Variants in CSMD1 observed in about 807,000 individuals in gnomAD.
CSMD1 encodes CUB and sushi domain-containing protein 1.
CSMD1 carries 213 observed loss-of-function variants against 417.5 expected under a neutral mutation model. That is an observed-to-expected ratio of 0.51 (90% CI 0.46 to 0.57). The LOEUF is 0.57. CSMD1 is among the 20% of genes least tolerant of loss of function. The probability of loss-of-function intolerance (pLI) is 0.00; values close to 1 mark genes in which losing one functional copy is unlikely to be tolerated. For missense variants in CSMD1, 6,923 were observed against 4,529.7 expected (o/e 1.53, Z -15.17); for synonymous variants, 2,862 against 1,736.8 (o/e 1.65, Z -16.11).
intron 1 of CSMD1, among the ~76,000 whole-genome samples, chr8:4,640,329 T>C (rs1049029100): frequency 6.6e-5 from 10 of 152,226 alleles, no homozygotes; most frequent in African/African-American, 2.4e-4. Context: ...AAAGTATCTA[T>C]GCCTAAGATA....
At chr8:4,364,843 A>C (rs1484330373) in intron 3 of CSMD1, among the ~76,000 whole-genome samples, 1 of 14,030 alleles carries the variant, frequency 7.1e-5, no homozygotes, top group Non-Finnish European at 1.1e-4. Context: ...AAAAAAAAAA[A>C]AAAAAAAAAA....
chr8:4,979,581 A>G (rs913535027), intron 1 of CSMD1, among the ~76,000 whole-genome samples: 1 of 152,330 alleles, frequency 6.6e-6, no homozygotes, highest in East Asian at 1.9e-4. Context: ...TTTTCCTTCA[A>G]TGTATTTAAA....
At chr8:4,058,257 G>A (rs966659030) in intron 3 of CSMD1, among the ~76,000 whole-genome samples, 1 of 151,982 alleles carries the variant, frequency 6.6e-6, no homozygotes. Flanking sequence ...CACATCCCTT[G>A]TAAGTTGGAT....
intron 2 of CSMD1, among the ~76,000 whole-genome samples, chr8:4,483,800 G>T (rs888966079): frequency 2.6e-4 from 39 of 152,060 alleles, no homozygotes; most frequent in African/African-American, 9.2e-4. Context: ...TATTAATATG[G>T]GTTGGTTTGT....
chr8:4,364,517 A>G (rs996161213), intron 3 of CSMD1, among the ~76,000 whole-genome samples: 93 of 152,214 alleles, frequency 6.1e-4, no homozygotes, highest in African/African-American at 2.1e-3. Flanking sequence ...TTGTCAGTTA[A>G]AACATTTTTT....
At chr8:3,138,705 G>C (rs1381433374) in intron 41 of CSMD1, among the ~76,000 whole-genome samples, 2 of 152,198 alleles carry the variant, frequency 1.3e-5, no homozygotes, top group African/African-American at 2.4e-5. Context: ...AGAGCTCTGA[G>C]GTAGAAAGGA....
intron 1 of CSMD1, among the ~76,000 whole-genome samples, chr8:4,641,452 G>C (rs1402863441): frequency 2.0e-5 from 3 of 152,058 alleles, no homozygotes; most frequent in Non-Finnish European, 2.9e-5. Flanking sequence ...TTTAAATTCT[G>C]TCTTATACTG....
At chr8:3,352,927 TG>T (rs1808512100) in intron 21 of CSMD1, among the ~76,000 whole-genome samples, 1 of 151,768 alleles carries the variant, frequency 6.6e-6, no homozygotes, top group South Asian at 2.1e-4. Flanking sequence ...CAAAAACACA[TG>T]GGGGTATATA....
intron 5 of CSMD1, among the ~76,000 whole-genome samples, chr8:3,778,394 A>G (rs1799006587): frequency 1.3e-5 from 2 of 152,220 alleles, no homozygotes; most frequent in African/African-American, 2.4e-5. Flanking sequence ...GGGCAGAAAC[A>G]AATAAATAAA....
chr8:3,357,429 A>G (rs1214421390), intron 21 of CSMD1, among the ~76,000 whole-genome samples: 1 of 152,240 alleles, frequency 6.6e-6, no homozygotes, highest in Non-Finnish European at 1.5e-5. Flanking sequence ...ACGTTATTAC[A>G]TGGAAGGAGC....
intron 17 of CSMD1, among the ~76,000 whole-genome samples, chr8:3,392,495 C>T (rs1274475395): frequency 6.6e-6 from 1 of 152,044 alleles, no homozygotes; most frequent in Non-Finnish European, 1.5e-5. Context: ...TCTGTCTCTG[C>T]TTTTCTCGCT....
intron 2 of CSMD1, among the ~76,000 whole-genome samples, chr8:4,534,906 G>C (rs760770302): frequency 6.6e-6 from 1 of 152,104 alleles, no homozygotes; most frequent in Admixed American, 6.5e-5. Context: ...GGGACTACAG[G>C]TGCCTGCCAC....
chr8:4,549,684 T>C (rs1464985811), intron 2 of CSMD1, among the ~76,000 whole-genome samples: 1 of 149,534 alleles, frequency 6.7e-6, no homozygotes, highest in East Asian at 2.0e-4. Flanking sequence ...AGTTCAGGAG[T>C]TCAAGACCAG....
intron 3 of CSMD1, among the ~76,000 whole-genome samples, chr8:4,113,829 C>G (rs1038923094): frequency 1.3e-5 from 2 of 152,186 alleles, no homozygotes; most frequent in Admixed American, 6.5e-5. Context: ...AAACCAAGGC[C>G]TACTTCAGAG....
At chr8:3,589,627 G>A (rs190560997) in intron 8 of CSMD1, among the ~76,000 whole-genome samples, 96 of 152,010 alleles carry the variant, frequency 6.3e-4, no homozygotes, top group Middle Eastern at 3.4e-3. Flanking sequence ...AGGAAGGAGA[G>A]GAAACAAATA....
chr8:4,128,184 G>A (rs551434245), intron 3 of CSMD1, among the ~76,000 whole-genome samples: 1 of 152,220 alleles, frequency 6.6e-6, no homozygotes, highest in Non-Finnish European at 1.5e-5. Context: ...GACCCCTGCG[G>A]AAAAAGTGCC....
chr8:4,960,638 T>C (rs1235670110), intron 1 of CSMD1, among the ~76,000 whole-genome samples: 7 of 152,152 alleles, frequency 4.6e-5, no homozygotes, highest in Non-Finnish European at 1.0e-4. Flanking sequence ...CATACATCCA[T>C]ATATCCATAC....
Position 3,708,428 on chromosome 8 carries a change from T to C in CSMD1, c.995A>G (p.His332Arg), listed in dbSNP as rs371767824. 20 of 1,613,922 alleles carry C rather than the reference T, an allele frequency of 1.2e-5. No individual in the cohort carries two copies. In the African/African-American group the frequency reaches 2.4e-4, roughly 19 times the overall value. Residue 332 changes from histidine to arginine, a missense_variant, in exon 7 of 70, where the codon CAT (histidine) becomes CGT (arginine). Physicochemically the swap from His to Arg is conservative, Grantham distance 29. Transcript: ENST00000635120. The stretch of plus-strand genomic sequence containing the variant: ...AAGGGACTCACAGACAGAGTTTTTA[T>C]GGCTTCCATCCTTGCTGGGCAGCAT... ...VKMLPSKDGS[H>R]KNSVLSQGGV...
chr8:4,163,575 T>C lies in CSMD1; in HGVS notation c.416-131476A>G, dbSNP rs185382484. 9.2e-5 allele frequency among the ~76,000 whole-genome samples: 14 copies of C among 152,314 alleles called. No individual in the cohort carries two copies. In the East Asian group the frequency reaches 2.5e-3, roughly 27 times the overall value. On this transcript the variant is annotated intron_variant, in intron 3 of 69. Transcript: ENST00000635120. ...TCATTTGGTGTGAATTAAATCTAGCTAGATAAAACTTCCTGTTTTAAAGTG... is the reference window on the plus strand; with the variant it reads ...TCATTTGGTGTGAATTAAATCTAGCCAGATAAAACTTCCTGTTTTAAAGTG...
Sources: allele counts gnomAD v4.1 joint callset (sites outside exome capture counted in the v4.1 genomes callset), GRCh38; gene constraint gnomAD v4.1.1; transcripts MANE v1.5; gene names NCBI Gene and HGNC (gene_info 2026-07-23, HGNC 2026-07-21).